The following APC variants were observed in gnomAD, a reference collection of about 807,000 sequenced individuals.
APC encodes APC regulator of Wnt signaling pathway, also known as adenomatous polyposis coli protein.
A neutral mutation model predicts 247.0 loss-of-function variants in APC; 72 were observed. That is an observed-to-expected ratio of 0.29 (90% CI 0.24 to 0.35). The LOEUF (loss-of-function observed/expected upper bound fraction) is 0.35, where lower values mean the gene tolerates loss of function less well. Among genes scored for constraint, APC ranks in the 10% least tolerant of loss-of-function variants. The pLI, the probability that APC is intolerant of heterozygous loss-of-function variation, is 1.00. For synonymous variants in APC, 1,254 were observed against 1,162.5 expected (o/e 1.08, Z -1.60); for missense variants, 3,400 against 3,360.7 (o/e 1.01, Z -0.29).
At chr5:112,809,589 G>A (rs1309766544) in intron 8 of APC, among the ~76,000 whole-genome samples, 1 of 149,802 alleles carries the variant, frequency 6.7e-6, no homozygotes, top group African/African-American at 2.5e-5. Context: ...AATCACCTTG[G>A]GTTTCACCAA....
At chr5:112,780,685 G>A (rs1029643240) in intron 5 of APC, 105 bp from the exon 6 acceptor site, 12 of 777,754 alleles carry the variant, frequency 1.5e-5, no homozygotes, top group Non-Finnish European at 2.2e-5. Flanking sequence ...CATGACTGAC[G>A]TATTTGCTTA....
At position 112,839,828 on chromosome 5, in the gene APC, G is replaced by C. The variant is rs766926159; in HGVS notation, c.4234G>C (p.Gly1412Arg). Reference protein sequence around the residue: ...ASSVQSEPCSGMVSGIISPSD... With the variant: ...ASSVQSEPCSRMVSGIISPSD... The stretch of plus-strand genomic sequence containing the variant: ...CTCCGTTCAGAGTGAACCATGCAGT[G>C]GAATGGTAAGTGGCATTATAAGCCC... The change falls in exon 16 of 16, where the codon GGA (glycine) becomes CGA (arginine). Residue 1412 changes from glycine (G) to arginine (R), a missense_variant. Gly to Arg is a moderately radical substitution (Grantham distance 125). Coordinates refer to ENST00000257430, the MANE Select transcript of APC (RefSeq NM_000038.6). The surrounding 1 kb of genome is among the most constrained non-coding windows in gnomAD (Gnocchi z 5.0). The C allele has an allele frequency of 2.5e-6, 4 of 1,614,040 alleles. No individual in the cohort carries two copies. The highest frequency in any genetic ancestry group is 3.4e-6 in the Non-Finnish European group (4 of 1,179,990).
rs2149879693 is a variant in APC at position 112,838,490 on chromosome 5, A to T, written c.2896A>T (p.Ser966Cys). The T allele has an allele frequency of 6.2e-7, 1 of 1,614,242 alleles. No homozygotes were observed. Among genetic ancestry groups the T allele is most frequent in the Non-Finnish European group, 8.5e-7 (1 of 1,180,026 alleles). The change falls in exon 16 of 16, where the codon AGT becomes TGT. Residue 966 changes from serine (S) to cysteine (C), a missense_variant. Coordinates refer to ENST00000257430, the MANE Select transcript of APC (RefSeq NM_000038.6). The part of the protein sequence containing the change: ...YKRSSNDSLN[S>C]VSSSDGYGKR... ...GAGATCTTCAAATGATAGTTTAAAT[A>T]GTGTCAGTAGTAGTGATGGTTATGG...
At chr5:112,828,222 C>T (rs766381096) in intron 13 of APC, among the ~76,000 whole-genome samples, 2 of 151,894 alleles carry the variant, frequency 1.3e-5, no homozygotes, top group African/African-American at 2.4e-5. Flanking sequence ...TTTATAGAGA[C>T]GGGGTTTCAC....
chr5:112,709,166 A>G (rs1750702271), intron 1 of APC, among the ~76,000 whole-genome samples: 1 of 152,242 alleles, frequency 6.6e-6, no homozygotes, highest in South Asian at 2.1e-4. Flanking sequence ...GATGTTCTCC[A>G]AAGTTGTTAA....
intron 1 of APC, among the ~76,000 whole-genome samples, chr5:112,722,412 A>G (rs938441726): frequency 1.3e-5 from 2 of 152,218 alleles, no homozygotes; most frequent in Non-Finnish European, 2.9e-5. Flanking sequence ...TAAAAAACAG[A>G]CACCTGTGAC....
At chr5:112,780,154 G>A (rs1228853866) in intron 5 of APC, among the ~76,000 whole-genome samples, 2 of 152,150 alleles carry the variant, frequency 1.3e-5, no homozygotes, top group African/African-American at 2.4e-5. Context: ...ATTTTTGAAT[G>A]AGTTATTACC....
rs944674770 is a variant in APC, at chr5:112,840,951, G to A, written c.5357G>A (p.Arg1786Lys). The change falls in exon 16 of 16, where the codon AGG (arginine) becomes AAG (lysine). Residue 1786 changes from arginine (R) to lysine (K), a missense_variant. Arg to Lys is a conservative substitution (Grantham distance 26). Around this residue, in one of 9 missense-constraint regions of APC, gnomAD observed 1,788 missense variants for 1,649.5 expected, o/e 1.08. Transcript: ENST00000257430. This position sits in a 1 kb window ranked among gnomAD's most constrained non-coding sequence, Gnocchi z 4.1. ...CCTATACCACAAAATACTGAATATAGGACACGTGTAAGAAAAAATGCAGAC... is the reference window on the plus strand; with the variant it reads ...CCTATACCACAAAATACTGAATATAAGACACGTGTAAGAAAAAATGCAGAC... Reference protein sequence around the residue: ...VKPIPQNTEYRTRVRKNADSK... With the variant: ...VKPIPQNTEYKTRVRKNADSK... The A allele has an allele frequency of 1.2e-6, 2 of 1,613,222 alleles. No individual in the cohort carries two copies. Among genetic ancestry groups the A allele is most frequent in the Non-Finnish European group, 8.5e-7 (1 of 1,179,600 alleles).
intron 1 of APC, among the ~76,000 whole-genome samples, chr5:112,721,743 G>A (rs1444073845): frequency 6.6e-6 from 1 of 150,772 alleles, no homozygotes; most frequent in Admixed American, 6.6e-5. Flanking sequence ...ATAATTGGAT[G>A]CAAGGAGCAT....
At chr5:112,745,787 C>T (rs1276483977) in intron 1 of APC, among the ~76,000 whole-genome samples, 1 of 152,004 alleles carries the variant, frequency 6.6e-6, no homozygotes, top group Non-Finnish European at 1.5e-5. Context: ...AGGCTGGTCT[C>T]AAACTCCTGA....
At chr5:112,775,959 T>C (rs1269416255) in intron 5 of APC, among the ~76,000 whole-genome samples, 1 of 152,204 alleles carries the variant, frequency 6.6e-6, no homozygotes, top group Admixed American at 6.5e-5. Flanking sequence ...AAAGCTCTTA[T>C]TTAGAAAATC....
Position 112,840,369 on chromosome 5 carries a change from A to G in APC, c.4775A>G (p.Lys1592Arg), listed in dbSNP as rs2149923431. 1 of 1,614,224 alleles carries G rather than the reference A, an allele frequency of 6.2e-7. No individual in the cohort carries two copies. The highest frequency in any genetic ancestry group is 8.5e-7 in the Non-Finnish European group (1 of 1,180,044). Residue 1592 changes from lysine (K) to arginine (R), a missense_variant, in exon 16 of 16, where the codon AAA becomes AGA. Physicochemically the swap from Lys to Arg is conservative, Grantham distance 26. Transcript: ENST00000257430. This position sits in a 1 kb window ranked among gnomAD's most constrained non-coding sequence, Gnocchi z 4.1. ...AMPTKSSRKAKKPAQTASKLP... is the reference protein window; with the variant it reads ...AMPTKSSRKARKPAQTASKLP... ...CCAACAAAGTCATCACGTAAAGCAA[A>G]AAAGCCAGCCCAGACTGCTTCAAAA... is the stretch of plus-strand genomic sequence containing the variant.
At chr5:112,772,547 C>T (rs1757174046) in intron 4 of APC, among the ~76,000 whole-genome samples, 1 of 148,290 alleles carries the variant, frequency 6.7e-6, no homozygotes, top group African/African-American at 2.5e-5. Context: ...GACGAAATCT[C>T]ACTCTGTCAC....
At chr5:112,749,802 T>C (rs1754116303) in intron 1 of APC, among the ~76,000 whole-genome samples, 1 of 151,384 alleles carries the variant, frequency 6.6e-6, no homozygotes, top group Non-Finnish European at 1.5e-5. Context: ...TTAATAGTTG[T>C]AGAACTATTA....
chr5:112,839,020 T>A lies in APC; in HGVS notation c.3426T>A (p.Asn1142Lys), dbSNP rs375478525. Residue 1142 changes from asparagine (N) to lysine (K), a missense_variant, in exon 16 of 16, where the codon AAT becomes AAA. Asn to Lys is a moderately conservative substitution (Grantham distance 94). Transcript: ENST00000257430. This position sits in a 1 kb window ranked among gnomAD's most constrained non-coding sequence, Gnocchi z 5.0. Reference protein sequence around the residue: ...EDDYEDDKPTNYSERYSEEEQ... With the variant: ...EDDYEDDKPTKYSERYSEEEQ... ...ACTATGAAGATGATAAGCCTACCAA[T>A]TATAGTGAACGTTACTCTGAAGAAG... 9.9e-6 allele frequency: 16 copies of A among 1,613,930 alleles called. No homozygotes were observed. Among genetic ancestry groups the A allele is most frequent in the Non-Finnish European group, 1.3e-5 (15 of 1,180,016 alleles).
At chr5:112,779,296 CA>C (rs1384001064) in intron 5 of APC, among the ~76,000 whole-genome samples, 3 of 152,042 alleles carry the variant, frequency 2.0e-5, no homozygotes, top group Admixed American at 2.0e-4. Flanking sequence ...AGAGAATATA[CA>C]AAAATCCAGA....
chr5:112,723,203 C>T (rs896287107), intron 1 of APC, among the ~76,000 whole-genome samples: 11 of 152,022 alleles, frequency 7.2e-5, no homozygotes, highest in Non-Finnish European at 1.6e-4. Context: ...ACTGGCTGGG[C>T]GTGGTGGCTC....
rs185495977 is a variant in APC at position 112,808,141 on chromosome 5, C to T, written c.834+6758C>T. On this transcript the variant is annotated intron_variant, in intron 8 of 15. Transcript: ENST00000257430. ...CTGCACTCCACCCTGGGCAAGAGAG[C>T]GAGACTCTGCCTCAAAAAAATAAAA... 1.2e-3 allele frequency among the ~76,000 whole-genome samples: 190 copies of T among 152,070 alleles called. 1 individual carries two copies. Among genetic ancestry groups the T allele is most frequent in the East Asian group, 2.9e-3 (15 of 5,176 alleles).
At chr5:112,805,008 TA>T (rs574688971) in intron 8 of APC, among the ~76,000 whole-genome samples, 325 of 142,104 alleles carry the variant, frequency 2.3e-3, no homozygotes, top group South Asian at 4.2e-3. Flanking sequence ...GTCTAAAAAA[TA>T]AAAAAAAAAA....
Sources: allele counts gnomAD v4.1 joint callset (sites outside exome capture counted in the v4.1 genomes callset), GRCh38; gene constraint gnomAD v4.1.1; regional missense constraint gnomAD v4.1.1; non-coding constraint Gnocchi (gnomAD v3.1); transcripts MANE v1.5; gene names NCBI Gene and HGNC (gene_info 2026-07-23, HGNC 2026-07-21).